OLFM4: variants seen among roughly 807,000 people sequenced by gnomAD.
OLFM4 encodes olfactomedin 4, also known as olfactomedin-4.
OLFM4 carries 22 observed loss-of-function variants against 25.5 expected under a neutral mutation model. The observed-to-expected ratio is 0.86, with a 90% CI of 0.62 to 1.23. The LOEUF (loss-of-function observed/expected upper bound fraction) is 1.23, where lower values mean the gene tolerates loss of function less well. OLFM4 is among the 50% of genes most tolerant of loss of function. OLFM4 has a pLI of 0.00. For missense variants in OLFM4, 594 were observed against 619.4 expected, an observed-to-expected ratio of 0.96 and a Z score of 0.44; for synonymous variants, 255 against 237.7, an observed-to-expected ratio of 1.07 and a Z score of -0.67.
chr13:53,035,509 T>A (rs1954653848), intron 2 of OLFM4, among the ~76,000 whole-genome samples: 1 of 152,246 alleles, frequency 6.6e-6, no homozygotes, highest in Non-Finnish European at 1.5e-5. Context: ...GAAATTATTA[T>A]GGACTATAGT....
rs147407792 is a variant in OLFM4, at chr13:53,028,864, G to T, written c.28G>T (p.Ala10Ser). The T allele has an allele frequency of 7.6e-4, 1,226 of 1,614,192 alleles. 10 individuals carry two copies. In the African/African-American group the frequency reaches 0.014, roughly 19 times the overall value. Residue 10 changes from alanine to serine, a missense_variant, in exon 1 of 5, where the codon GCC (alanine) becomes TCC (serine). Physicochemically the swap from Ala to Ser is moderately conservative, Grantham distance 99 (BLOSUM62 1). Coordinates refer to ENST00000219022, the MANE Select transcript of OLFM4 (RefSeq NM_006418.5). ...GAGGCCCGGCCTCTCATTTCTCCTA[G>T]CCCTTCTGTTCTTCCTTGGCCAAGC... MRPGLSFLL[A>S]LLFFLGQAAG...
rs563158438 is a variant in OLFM4, at chr13:53,034,140, C to T, written c.205-208C>T. Reference sequence around the variant, plus strand: ...GTCTGCTGGCGTAGTGGTTTTCGTACAACCAGTGGCGATGTGGCTAAACGC... The same window carrying T: ...GTCTGCTGGCGTAGTGGTTTTCGTATAACCAGTGGCGATGTGGCTAAACGC... On this transcript the variant is annotated intron_variant, in intron 1 of 4. Transcript: ENST00000219022. Among the ~76,000 whole-genome samples, 24 of 149,446 alleles carry T rather than the reference C, an allele frequency of 1.6e-4. No homozygotes were observed. The South Asian group carries it at 5.1e-3, about 32-fold the overall frequency.
intron 2 of OLFM4, 106 bp from the exon 3 acceptor site, chr13:53,041,804 A>G: frequency 1.4e-6 from 1 of 709,924 alleles, no homozygotes; most frequent in Non-Finnish European, 2.4e-6. Flanking sequence ...ACAAAACACA[A>G]TGATTGGCAA....
Position 53,028,946 on chromosome 13 carries a change from TC to T in OLFM4, c.113del (p.Pro38GlnfsTer23), listed in dbSNP as rs1383949641. The T allele has an allele frequency of 1.9e-6, 3 of 1,614,210 alleles. No individual in the cohort carries two copies. The Admixed American group carries it at 5.0e-5, about 27-fold the overall frequency. On this transcript the variant is annotated frameshift_variant, in exon 1 of 5. Coordinates refer to ENST00000219022, the MANE Select transcript of OLFM4 (RefSeq NM_006418.5). LOFTEE classifies it high-confidence loss of function. The part of the protein sequence containing the change: ...PPIPSPGFSS[F>X]PGVDSSSSFS... ...ATTCCCAGCCCCGGCTTCAGCTCTTTCCCAGGTGTTGACTCCAGCTCCAGCT... is the reference window on the plus strand; with the variant it reads ...ATTCCCAGCCCCGGCTTCAGCTCTTTCCAGGTGTTGACTCCAGCTCCAGCT...
chr13:53,049,816 G>A (rs1183164586), intron 4 of OLFM4, among the ~76,000 whole-genome samples, 153 bp from the exon 5 acceptor site: 1 of 152,196 alleles, frequency 6.6e-6, no homozygotes, highest in Non-Finnish European at 1.5e-5. Flanking sequence ...GAACTAAGAG[G>A]AGGTTTGGCT....
In OLFM4 at chr13:53,050,292, A is replaced by T. The variant is rs1954739945; in HGVS notation, c.1054A>T (p.Asn352Tyr). The T allele has an allele frequency of 6.2e-7, 1 of 1,613,996 alleles. No homozygotes were observed. The highest frequency in any genetic ancestry group is 1.1e-5 in the South Asian group (1 of 91,084). Reference protein sequence around the residue: ...MYNTGNIARVNLTTNTIAVTQ... With the variant: ...MYNTGNIARVYLTTNTIAVTQ... ...CAACACCGGGAATATTGCCAGAGTTAACCTGACCACCAACACGATTGCTGT... is the reference window on the plus strand; with the variant it reads ...CAACACCGGGAATATTGCCAGAGTTTACCTGACCACCAACACGATTGCTGT... Residue 352 changes from asparagine to tyrosine, a missense_variant, in exon 5 of 5, where the codon AAC becomes TAC. By Grantham distance (143) the Asn-to-Tyr change is moderately radical. Transcript: ENST00000219022.
chr13:53,040,751 G>C (rs142165072), intron 2 of OLFM4, among the ~76,000 whole-genome samples: 42 of 152,288 alleles, frequency 2.8e-4, no homozygotes, highest in African/African-American at 1.0e-3. Context: ...ACAGTGCTGA[G>C]GTTGAGAAAC....
At chr13:53,033,674 T>C (rs571914913) in intron 1 of OLFM4, among the ~76,000 whole-genome samples, 1 of 152,236 alleles carries the variant, frequency 6.6e-6, no homozygotes, top group Non-Finnish European at 1.5e-5. Flanking sequence ...AGATTTCACA[T>C]CTAGCAAGTG....
At chr13:53,043,927 C>T (rs949022923) in intron 4 of OLFM4, among the ~76,000 whole-genome samples, 6 of 152,088 alleles carry the variant, frequency 3.9e-5, no homozygotes, top group African/African-American at 7.2e-5. Context: ...AAGTACAGCA[C>T]AGAGGTGGGT....
At chr13:53,039,388 GT>G (rs1388728452) in intron 2 of OLFM4, among the ~76,000 whole-genome samples, 1 of 152,096 alleles carries the variant, frequency 6.6e-6, no homozygotes, top group African/African-American at 2.4e-5. Context: ...GACTTGTTAG[GT>G]TTTATATATA....
At chr13:53,029,859 TG>T (rs1194606825) in intron 1 of OLFM4, among the ~76,000 whole-genome samples, 1 of 152,164 alleles carries the variant, frequency 6.6e-6, no homozygotes, top group African/African-American at 2.4e-5. Context: ...GAGTCCTCTT[TG>T]GATCTCCTTT....
Position 53,050,980 on chromosome 13 carries a change from A to T in OLFM4, c.*209A>T. ...TCTGCCTCTTCAGGCGCATTTTGCAATAAAGTCTGTCTAGGGTGGGATTGT... is the reference window on the plus strand; with the variant it reads ...TCTGCCTCTTCAGGCGCATTTTGCATTAAAGTCTGTCTAGGGTGGGATTGT... On this transcript the variant is annotated 3_prime_UTR_variant, in exon 5 of 5. Coordinates refer to ENST00000219022, the MANE Select transcript of OLFM4 (RefSeq NM_006418.5). 1.8e-6 allele frequency: 1 copy of T among 541,732 alleles called. No homozygotes were observed. The highest frequency in any genetic ancestry group is 3.2e-6 in the Non-Finnish European group (1 of 313,126). The allele number at this position is 541,732 out of a possible 1,614,324, so 33.6% of individuals were successfully genotyped here.
At chr13:53,029,194 G>T (rs749775623) in intron 1 of OLFM4, among the ~76,000 whole-genome samples, 154 bp downstream of exon 1, 1 of 152,170 alleles carries the variant, frequency 6.6e-6, no homozygotes, top group Non-Finnish European at 1.5e-5. Flanking sequence ...ATGAATTAAA[G>T]CCTCAGTAAA....
intron 4 of OLFM4, 107 bp downstream of exon 4, chr13:53,043,371 G>T (rs74086435): frequency 0.043 from 13,056 of 301,134 alleles, 135 homozygotes; most frequent in Admixed American, 0.049. Flanking sequence ...AAGGTGGGTT[G>T]TTTTTTTTTT....
At chr13:53,043,001 G>T in intron 3 of OLFM4, 104 bp from the exon 4 acceptor site, 1 of 848,796 alleles carries the variant, frequency 1.2e-6, no homozygotes, top group East Asian at 2.6e-5. Context: ...AATCTCTGGT[G>T]TATTCTCTGG....
intron 1 of OLFM4, among the ~76,000 whole-genome samples, chr13:53,030,856 G>A (rs1231432025): frequency 6.6e-6 from 1 of 152,194 alleles, no homozygotes; most frequent in Non-Finnish European, 1.5e-5. Context: ...GTAGGCACAA[G>A]GATTCTTTGC....
chr13:53,043,277 G>T lies in OLFM4; in HGVS notation c.730+13G>T. On this transcript the variant is annotated intron_variant, in intron 4 of 4. Transcript: ENST00000219022. The stretch of plus-strand genomic sequence containing the variant: ...CCTCCCACTCCAGGTAAGCATGCCA[G>T]TTTTTTTAACCACTTGTGCCAGACC... 6.4e-7 allele frequency: 1 copy of T among 1,571,762 alleles called. No homozygotes were observed. The highest frequency in any genetic ancestry group is 1.4e-5 in the African/African-American group (1 of 73,096).
chr13:53,043,368 G>GTTTTT, intron 4 of OLFM4, 104 bp downstream of exon 4: 1 of 459,222 alleles, frequency 2.2e-6, no homozygotes, highest in Non-Finnish European at 3.1e-6. Flanking sequence ...AAGAAGGTGG[G>GTTTTT]TTGTTTTTTT....
Position 53,050,643 on chromosome 13 carries a change from A to G in OLFM4, c.1405A>G (p.Ile469Val), listed in dbSNP as rs1298181690. ...TNTGKEGKLD[I>V]VMHKMQEKVQ... ...CACAGGGAAAGAGGGCAAACTAGAC[A>G]TTGTAATGCATAAGATGCAGGAAAA... is the stretch of plus-strand genomic sequence containing the variant. Residue 469 changes from isoleucine to valine, a missense_variant, in exon 5 of 5, where the codon ATT becomes GTT. Physicochemically the swap from Ile to Val is conservative, Grantham distance 29. Transcript: ENST00000219022. The G allele has an allele frequency of 5.0e-6, 8 of 1,613,832 alleles. No homozygotes were observed. The Middle Eastern group carries it at 8.2e-4, about 166-fold the overall frequency.
Sources: allele counts gnomAD v4.1 joint callset (sites outside exome capture counted in the v4.1 genomes callset), GRCh38; gene constraint gnomAD v4.1.1; transcripts MANE v1.5; gene names NCBI Gene and HGNC (gene_info 2026-07-23, HGNC 2026-07-21).